EPN2: variants seen among roughly 807,000 people sequenced by gnomAD.
EPN2 encodes epsin 2, also known as epsin-2.
EPN2 carries 34 observed loss-of-function variants against 61.7 expected under a neutral mutation model. That is an observed-to-expected ratio of 0.55 (90% CI 0.42 to 0.73). The LOEUF is 0.73. EPN2 is among the 30% of genes least tolerant of loss of function. The pLI is 0.00. For missense variants in EPN2, 714 were observed against 839.2 expected, an observed-to-expected ratio of 0.85 and a Z score of 1.84; for synonymous variants, 349 against 353.6, an observed-to-expected ratio of 0.99 and a Z score of 0.15.
chr17:19,328,868 C>A lies in EPN2; in HGVS notation c.1305C>A (p.Thr435=). The change falls in exon 8 of 11, where the codon ACC becomes ACA. Residue 435 remains threonine, a synonymous_variant. Coordinates refer to ENST00000314728, the MANE Select transcript of EPN2 (RefSeq NM_014964.5). ...ACGCGTGGGGCGCAGTCTCCACCAC[C>A]AAGCCCGTGTCTGTCTCTGGTGAGC... ...ASDAWGAVST[T]KPVSVSGSFE... 1 of 1,612,254 alleles carries A rather than the reference C, an allele frequency of 6.2e-7. No homozygotes were observed. Among genetic ancestry groups the A allele is most frequent in the Non-Finnish European group, 8.5e-7 (1 of 1,178,958 alleles).
At chr17:19,259,480 C>G (rs755649649) in intron 1 of EPN2, among the ~76,000 whole-genome samples, 1 of 151,724 alleles carries the variant, frequency 6.6e-6, no homozygotes, top group African/African-American at 2.4e-5. Flanking sequence ...GCCTGGCTAA[C>G]TTTTTGTATT....
chr17:19,322,407 G>A (rs1191718250), intron 7 of EPN2, among the ~76,000 whole-genome samples: 2 of 152,170 alleles, frequency 1.3e-5, no homozygotes, highest in African/African-American at 4.8e-5. Flanking sequence ...GCTACAGCTA[G>A]CCAGTAGCTG....
At chr17:19,243,933 A>G (rs2044915907) in intron 1 of EPN2, among the ~76,000 whole-genome samples, 1 of 152,202 alleles carries the variant, frequency 6.6e-6, no homozygotes, top group African/African-American at 2.4e-5. Flanking sequence ...CTTTATGGGA[A>G]GGTGTGTAAG....
At chr17:19,325,789 A>C (rs931397006) in intron 7 of EPN2, among the ~76,000 whole-genome samples, 1 of 151,954 alleles carries the variant, frequency 6.6e-6, no homozygotes, top group African/African-American at 2.4e-5. Flanking sequence ...CTAAATAGTC[A>C]TCATTTGCAG....
chr17:19,265,574 G>C (rs1169368419), intron 1 of EPN2, among the ~76,000 whole-genome samples: 2 of 152,072 alleles, frequency 1.3e-5, no homozygotes. Context: ...CCCTGCTCTT[G>C]GCCCTTTCTT....
At chr17:19,253,306 C>G (rs1432781205) in intron 1 of EPN2, among the ~76,000 whole-genome samples, 1 of 151,692 alleles carries the variant, frequency 6.6e-6, no homozygotes, top group Non-Finnish European at 1.5e-5. Context: ...AACTTGATTC[C>G]TTTTTATGAC....
At chr17:19,279,588 G>A (rs1266036961) in intron 1 of EPN2, among the ~76,000 whole-genome samples, 1 of 151,604 alleles carries the variant, frequency 6.6e-6, no homozygotes, top group Admixed American at 6.6e-5. Flanking sequence ...ACAGGCGCCC[G>A]CCACTATGCC....
chr17:19,322,703 G>T (rs1906694427), intron 7 of EPN2, among the ~76,000 whole-genome samples: 1 of 150,136 alleles, frequency 6.7e-6, no homozygotes, highest in South Asian at 2.1e-4. Context: ...TTGCACCACT[G>T]CGCTCCAGCC....
intron 7 of EPN2, among the ~76,000 whole-genome samples, chr17:19,316,664 C>T (rs144302759): frequency 6.6e-4 from 101 of 152,260 alleles, no homozygotes; most frequent in African/African-American, 2.2e-3. Context: ...TATATAATTA[C>T]GTGTGTATGT....
chr17:19,244,496 G>C (rs1794269826), intron 1 of EPN2, among the ~76,000 whole-genome samples: 1 of 152,048 alleles, frequency 6.6e-6, no homozygotes. Context: ...ACTTGAAAAG[G>C]TTGAGGGAGT....
At chr17:19,245,115 A>G in intron 1 of EPN2, among the ~76,000 whole-genome samples, 1 of 152,080 alleles carries the variant, frequency 6.6e-6, no homozygotes, top group Non-Finnish European at 1.5e-5. Flanking sequence ...AGCTTTATGA[A>G]GTTGTTTCTA....
chr17:19,323,763 A>G (rs1382688120), intron 7 of EPN2, among the ~76,000 whole-genome samples: 1 of 152,250 alleles, frequency 6.6e-6, no homozygotes, highest in African/African-American at 2.4e-5. Flanking sequence ...GGAAACAACA[A>G]CAGCAACAAA....
At chr17:19,260,721 C>T (rs998546682) in intron 1 of EPN2, among the ~76,000 whole-genome samples, 5 of 151,542 alleles carry the variant, frequency 3.3e-5, no homozygotes, top group Non-Finnish European at 5.9e-5. Context: ...AAATTTTGCC[C>T]CTCACTCCTG....
rs753368595 is a variant in EPN2, at chr17:19,309,876, C to T, written c.767-9C>T. 4 of 1,603,486 alleles carry T rather than the reference C, an allele frequency of 2.5e-6. No individual in the cohort carries two copies. The highest frequency in any genetic ancestry group is 2.2e-5 in the East Asian group (1 of 44,878). On this transcript the variant is annotated splice_polypyrimidine_tract_variant and intron_variant, in intron 4 of 10. Transcript: ENST00000314728. The stretch of plus-strand genomic sequence containing the variant: ...CTTTTGCATATGATGACTTGGTCTT[C>T]CCCAACAGCCACCTCCCCGCGAGTG...
At chr17:19,238,956 G>A (rs2044849433) in intron 1 of EPN2, among the ~76,000 whole-genome samples, 1 of 152,188 alleles carries the variant, frequency 6.6e-6, no homozygotes, top group Non-Finnish European at 1.5e-5. Context: ...TCTAGATACA[G>A]AATTTTAGGT....
chr17:19,333,603 C>A (rs1450783993), intron 10 of EPN2, among the ~76,000 whole-genome samples: 1 of 152,140 alleles, frequency 6.6e-6, no homozygotes, highest in African/African-American at 2.4e-5. Flanking sequence ...TCCCTTTCAG[C>A]AAACAAAATG....
chr17:19,321,705 C>T lies in EPN2; in HGVS notation c.1148-7006C>T, dbSNP rs948254657. The stretch of plus-strand genomic sequence containing the variant: ...TCAGGGCTGCAGGGAAAGCGAGGCT[C>T]CAGTCTGTTATCCAGGCACAGCTGG... On this transcript the variant is annotated intron_variant, in intron 7 of 10. Coordinates refer to ENST00000314728, the MANE Select transcript of EPN2 (RefSeq NM_014964.5). Among the ~76,000 whole-genome samples the T allele has an allele frequency of 2.1e-5, 3 of 144,862 alleles. No individual in the cohort carries two copies. The Admixed American group carries it at 2.1e-4, about 10-fold the overall frequency.
chr17:19,318,547 C>A (rs1409740526), intron 7 of EPN2, among the ~76,000 whole-genome samples: 1 of 1,380 alleles, frequency 7.2e-4, no homozygotes, highest in Non-Finnish European at 0.012. Context: ...GAGACTCCAT[C>A]TCAAAAAAAA....
At chr17:19,308,639 G>A (rs1249148831) in intron 4 of EPN2, 11 of 985,302 alleles carry the variant, frequency 1.1e-5, no homozygotes, top group Non-Finnish European at 1.3e-5. Context: ...CAGCCTGCAC[G>A]GAGACCCGGG....
Sources: allele counts gnomAD v4.1 joint callset (sites outside exome capture counted in the v4.1 genomes callset), GRCh38; gene constraint gnomAD v4.1.1; transcripts MANE v1.5; gene names NCBI Gene and HGNC (gene_info 2026-07-23, HGNC 2026-07-21).